RNASEH2A: variants seen among roughly 807,000 people sequenced by gnomAD.
RNASEH2A encodes the protein RNase H(35).
A neutral mutation model predicts 32.7 loss-of-function variants in RNASEH2A; 30 were observed. The ratio of observed to expected loss-of-function variants is 0.92; its 90% CI spans 0.69 to 1.25. The LOEUF (loss-of-function observed/expected upper bound fraction) is 1.25. RNASEH2A is among the 50% of genes most tolerant of loss of function. The probability of loss-of-function intolerance (pLI) is 0.00; values close to 1 mark genes in which losing one functional copy is unlikely to be tolerated. For missense variants in RNASEH2A, 409 were observed against 398.1 expected (o/e 1.03, Z -0.23); for synonymous variants, 147 against 165.4 (o/e 0.89, Z 0.86).
chr19:12,813,267 G>T (rs1362172155), intron 7 of RNASEH2A, 61 bp downstream of exon 7: 9 of 1,614,026 alleles, frequency 5.6e-6, no homozygotes, highest in Middle Eastern at 1.6e-4. Context: ...CCAGCGTTCA[G>T]CCCTGCCTGA....
In RNASEH2A at chr19:12,812,777, G is replaced by C. The variant is rs565026369; in HGVS notation, c.638-306G>C. Among the ~76,000 whole-genome samples the C allele has an allele frequency of 5.9e-5, 9 of 152,104 alleles. No individual in the cohort carries two copies. The South Asian group carries it at 1.0e-3, about 18-fold the overall frequency. On this transcript the variant is annotated intron_variant, in intron 6 of 7. Coordinates refer to ENST00000221486, the MANE Select transcript of RNASEH2A (RefSeq NM_006397.3). The stretch of plus-strand genomic sequence containing the variant: ...ATCCCAGCACTTTGGGAGGCCGAGG[G>C]GGGTAGATCACGAGGTCAAGCAATT...
chr19:12,811,235 G>C (rs1012956143), intron 6 of RNASEH2A, among the ~76,000 whole-genome samples: 1 of 152,176 alleles, frequency 6.6e-6, no homozygotes, highest in Admixed American at 6.6e-5. Flanking sequence ...GATTGCTGCT[G>C]TCTTCCCCGC....
chr19:12,812,988 A>T (rs1249815881), intron 6 of RNASEH2A, 95 bp from the exon 7 acceptor site: 3 of 1,559,578 alleles, frequency 1.9e-6, no homozygotes, highest in Non-Finnish European at 2.6e-6. Flanking sequence ...CTGGCTACAG[A>T]GTGGGACTCC....
chr19:12,813,257 C>T (rs576929780), intron 7 of RNASEH2A, 51 bp downstream of exon 7: 18 of 1,613,914 alleles, frequency 1.1e-5, no homozygotes, highest in Non-Finnish European at 1.4e-5. Context: ...AGGAGGGAGG[C>T]CAGCGTTCAG....
intron 4 of RNASEH2A, among the ~76,000 whole-genome samples, chr19:12,809,531 G>T (rs1303760774): frequency 6.6e-6 from 1 of 152,132 alleles, no homozygotes. Context: ...GTAGAAACAG[G>T]GTCTCCATAT....
At chr19:12,811,549 T>C (rs1200727446) in intron 6 of RNASEH2A, among the ~76,000 whole-genome samples, 4 of 151,800 alleles carry the variant, frequency 2.6e-5, no homozygotes, top group African/African-American at 9.7e-5. Context: ...GCCCAGGAGT[T>C]GGAGGCTGCA....
chr19:12,809,859 C>T (rs1171883656), intron 4 of RNASEH2A, among the ~76,000 whole-genome samples: 3 of 152,186 alleles, frequency 2.0e-5, no homozygotes, highest in Non-Finnish European at 2.9e-5. Context: ...AGCGATCCTC[C>T]CGCCTCAGCC....
intron 4 of RNASEH2A, chr19:12,807,848 C>T: frequency 5.6e-6 from 2 of 357,762 alleles, no homozygotes; most frequent in Admixed American, 3.9e-5. Context: ...AGGAGAATCG[C>T]TTGAACCCAG....
chr19:12,812,885 G>A (rs1198954298), intron 6 of RNASEH2A, among the ~76,000 whole-genome samples, 198 bp from the exon 7 acceptor site: 1 of 152,058 alleles, frequency 6.6e-6, no homozygotes, highest in Non-Finnish European at 1.5e-5. Context: ...TGCGCCTGTA[G>A]TCCCAGCTAC....
chr19:12,807,604 C>T (rs73004608), intron 4 of RNASEH2A, 98 bp downstream of exon 4: 428 of 1,021,170 alleles, frequency 4.2e-4, no homozygotes, highest in Non-Finnish European at 5.5e-4. Context: ...CATGCCACAG[C>T]ACTCCATCCT....
At chr19:12,806,855 G>A in intron 1 of RNASEH2A, 55 bp downstream of exon 1, 1 of 1,595,122 alleles carries the variant, frequency 6.3e-7, no homozygotes, top group Admixed American at 1.8e-5. Context: ...TGCGGGAAAC[G>A]GGAGTCGGGA....
At chr19:12,809,734 G>A (rs2145827240) in intron 4 of RNASEH2A, among the ~76,000 whole-genome samples, 1 of 152,114 alleles carries the variant, frequency 6.6e-6, no homozygotes, top group East Asian at 1.9e-4. Context: ...CAGCGTGATA[G>A]AGAAAGCCTC....
At position 12,807,055 on chromosome 19, in the gene RNASEH2A, G is replaced by C. The variant is rs766343269; in HGVS notation, c.175G>C (p.Asp59His). 121 of 1,614,070 alleles carry C rather than the reference G, an allele frequency of 7.5e-5. No homozygotes were observed. The highest frequency in any genetic ancestry group is 9.8e-5 in the Non-Finnish European group (116 of 1,180,044). The stretch of plus-strand genomic sequence containing the variant: ...TTATTGTCCCCTGCCTCGCCTGGCA[G>C]ATCTGGAGGCGCTGAAAGTGGCAGG... ...ICYCPLPRLA[D>H]LEALKVADSK... Residue 59 changes from aspartate to histidine, a missense_variant, in exon 2 of 8, where the codon GAT (aspartate) becomes CAT (histidine). Coordinates refer to ENST00000221486, the MANE Select transcript of RNASEH2A (RefSeq NM_006397.3).
intron 6 of RNASEH2A, among the ~76,000 whole-genome samples, chr19:12,812,704 GC>G (rs1309750718): frequency 2.0e-5 from 3 of 151,832 alleles, no homozygotes; most frequent in East Asian, 3.9e-4. Flanking sequence ...TCAGGAGGAA[GC>G]CTTAGAAGAG....
chr19:12,807,242 T>C lies in RNASEH2A; in HGVS notation c.236T>C (p.Leu79Pro), dbSNP rs779370736. The change falls in exon 3 of 8, where the codon CTG (leucine) becomes CCG (proline). Residue 79 changes from leucine (L) to proline (P), a missense_variant. Leu to Pro is a moderately conservative substitution (Grantham distance 98, BLOSUM62 -3). Coordinates refer to ENST00000221486, the MANE Select transcript of RNASEH2A (RefSeq NM_006397.3). ...KTLLESERER[L>P]FAKMEDTDFV... ...CTATTGGAGAGCGAGCGGGAAAGGCTGTTTGCGAAAATGGAGGACACGGAC... is the reference window on the plus strand; with the variant it reads ...CTATTGGAGAGCGAGCGGGAAAGGCCGTTTGCGAAAATGGAGGACACGGAC... The C allele has an allele frequency of 3.1e-6, 5 of 1,614,140 alleles. No homozygotes were observed. Among genetic ancestry groups the C allele is most frequent in the Non-Finnish European group, 4.2e-6 (5 of 1,180,022 alleles).
rs757442211 is a variant in RNASEH2A, at chr19:12,810,051, T to C, written c.412-20T>C. The stretch of plus-strand genomic sequence containing the variant: ...GGTACAGTTGTTTGTTCAATTAATA[T>C]GTGTCTGTTGCTGTGGCAGGTATTC... On this transcript the variant is annotated intron_variant, in intron 4 of 7. Transcript: ENST00000221486. 3.1e-6 allele frequency: 5 copies of C among 1,614,114 alleles called. No homozygotes were observed. The highest frequency in any genetic ancestry group is 1.1e-5 in the South Asian group (1 of 91,084).
intron 1 of RNASEH2A, 67 bp from the exon 2 acceptor site, chr19:12,806,941 A>G (rs1969000927): frequency 6.2e-7 from 1 of 1,606,260 alleles, no homozygotes; most frequent in African/African-American, 1.3e-5. Context: ...ACAGGGATGA[A>G]TGGCAACTTT....
rs1969011556 is a variant in RNASEH2A, at chr19:12,807,468, A to C, written c.373A>C (p.Ile125Leu). The change falls in exon 4 of 8, where the codon ATA (isoleucine) becomes CTA (leucine). Residue 125 changes from isoleucine (I) to leucine (L), a missense_variant. Physicochemically the swap from Ile to Leu is conservative, Grantham distance 5. Coordinates refer to ENST00000221486, the MANE Select transcript of RNASEH2A (RefSeq NM_006397.3). ...GTCACATGATACAGCCACTGGGCTT[A>C]TACAGTATGCATTGGACCAGGGCGT... ...SLSHDTATGL[I>L]QYALDQGVNV... The C allele has an allele frequency of 6.2e-7, 1 of 1,614,212 alleles. No individual in the cohort carries two copies. Among genetic ancestry groups the C allele is most frequent in the Non-Finnish European group, 8.5e-7 (1 of 1,180,036 alleles).
chr19:12,811,346 A>G (rs1599535984), intron 6 of RNASEH2A, among the ~76,000 whole-genome samples: 1 of 152,138 alleles, frequency 6.6e-6, no homozygotes, highest in Non-Finnish European at 1.5e-5. Flanking sequence ...GTGGTGGCTC[A>G]TGCCTGTAAT....
Sources: gnomAD v4.1 joint callset for allele counts (sites outside exome capture counted in the v4.1 genomes callset) on GRCh38, gnomAD v4.1.1 for gene constraint, MANE v1.5 for transcripts, NCBI Gene and HGNC (gene_info 2026-07-23, HGNC 2026-07-21) for gene names.